The following ABTB3 variants were observed in gnomAD, a reference collection of about 807,000 sequenced individuals.
ABTB3 encodes the protein ankyrin repeat and BTB domain containing 3, also known as ankyrin repeat- and BTB/POZ domain-containing protein 3.
chr12:107,633,458 T>C, the ABTB3 span, among the ~76,000 whole-genome samples: 1 of 152,226 alleles, frequency 6.6e-6, no homozygotes, highest in Non-Finnish European at 1.5e-5. Flanking sequence ...GCTTTTGCCA[T>C]GTAAAGTAAC....
the ABTB3 span, among the ~76,000 whole-genome samples, chr12:107,503,470 A>C: frequency 1.3e-5 from 2 of 152,108 alleles, no homozygotes; most frequent in Non-Finnish European, 2.9e-5. Flanking sequence ...TACAGACAAT[A>C]AAAGGCATGG....
At chr12:107,608,893 T>TAAAATAAAATA in the ABTB3 span, among the ~76,000 whole-genome samples, 4 of 84,324 alleles carry the variant, frequency 4.7e-5, no homozygotes, top group Non-Finnish European at 9.0e-5. Context: ...TAAAATAAAA[T>TAAAATAAAATA]AAATAAAATA....
At chr12:107,473,805 CT>C in the ABTB3 span, among the ~76,000 whole-genome samples, 440 of 142,194 alleles carry the variant, frequency 3.1e-3, no homozygotes, top group African/African-American at 5.2e-3. Flanking sequence ...TTTTCTTTTT[CT>C]TTTTTTTTTT....
chr12:107,640,954 T>G, the ABTB3 span, among the ~76,000 whole-genome samples: 5 of 152,046 alleles, frequency 3.3e-5, no homozygotes, highest in Non-Finnish European at 5.9e-5. Flanking sequence ...CAGGGAGCAG[T>G]GAGGCTGGGG....
the ABTB3 span, among the ~76,000 whole-genome samples, chr12:107,594,984 C>T: frequency 6.6e-6 from 1 of 151,976 alleles, no homozygotes; most frequent in African/African-American, 2.4e-5. Context: ...GCACCCTCAC[C>T]TCTACCTACT....
chr12:107,596,068 G>A, the ABTB3 span, among the ~76,000 whole-genome samples: 2 of 152,098 alleles, frequency 1.3e-5, no homozygotes, highest in Non-Finnish European at 2.9e-5. Flanking sequence ...AAAATATTAG[G>A]TATGGAAGCA....
chr12:107,642,806 A>G, the ABTB3 span, among the ~76,000 whole-genome samples: 1 of 145,854 alleles, frequency 6.9e-6, no homozygotes, highest in Non-Finnish European at 1.6e-5. Flanking sequence ...AGATGACATG[A>G]CCATTTCTCC....
the ABTB3 span, among the ~76,000 whole-genome samples, chr12:107,369,136 T>A: frequency 6.6e-6 from 1 of 152,208 alleles, no homozygotes; most frequent in Non-Finnish European, 1.5e-5. Flanking sequence ...GCTTTTTGGT[T>A]CGTGCCTTGG....
chr12:107,465,868 A>T, the ABTB3 span, among the ~76,000 whole-genome samples: 1 of 152,138 alleles, frequency 6.6e-6, no homozygotes, highest in Non-Finnish European at 1.5e-5. Flanking sequence ...ATGCTCTTGC[A>T]GAAAATAAAT....
chr12:107,472,541 A>G, the ABTB3 span, among the ~76,000 whole-genome samples: 1 of 152,230 alleles, frequency 6.6e-6, no homozygotes, highest in Non-Finnish European at 1.5e-5. Context: ...TTCAGTTTAC[A>G]TCTGTAAAAT....
chr12:107,612,680 T>C, the ABTB3 span: 2 of 1,156,542 alleles, frequency 1.7e-6, no homozygotes, highest in Non-Finnish European at 2.5e-6. Context: ...AGCACAAGCA[T>C]GGCCTCCGAA....
chr12:107,446,309 C>T, the ABTB3 span, among the ~76,000 whole-genome samples: 2 of 152,134 alleles, frequency 1.3e-5, no homozygotes, highest in Non-Finnish European at 2.9e-5. Flanking sequence ...GCTACCATGT[C>T]AGGTACCAGT....
At chr12:107,489,771 G>GT in the ABTB3 span, among the ~76,000 whole-genome samples, 81 of 151,282 alleles carry the variant, frequency 5.4e-4, no homozygotes, top group African/African-American at 1.8e-3. Flanking sequence ...GTCTTTTTTT[G>GT]TTTTTTTTAG....
At chr12:107,398,560 C>G in the ABTB3 span, among the ~76,000 whole-genome samples, 1 of 152,210 alleles carries the variant, frequency 6.6e-6, no homozygotes, top group Non-Finnish European at 1.5e-5. Flanking sequence ...TGTTCTAGGG[C>G]ATTCAGAAAT....
At chr12:107,523,341 T>C in the ABTB3 span, among the ~76,000 whole-genome samples, 2 of 152,224 alleles carry the variant, frequency 1.3e-5, no homozygotes, top group Non-Finnish European at 2.9e-5. Flanking sequence ...AGTCACAAAA[T>C]GCCTCCTGTC....
the ABTB3 span, among the ~76,000 whole-genome samples, chr12:107,443,248 C>A: frequency 6.6e-6 from 1 of 151,582 alleles, no homozygotes; most frequent in African/African-American, 2.4e-5. Flanking sequence ...AATGAAATGG[C>A]GCGGCCTTTT....
the ABTB3 span, among the ~76,000 whole-genome samples, chr12:107,546,078 C>T: frequency 6.6e-6 from 1 of 152,212 alleles, no homozygotes; most frequent in African/African-American, 2.4e-5. Context: ...TTTTCTGCCT[C>T]ATACTTAACG....
the ABTB3 span, chr12:107,635,510 G>A: frequency 2.5e-6 from 2 of 793,940 alleles, no homozygotes; most frequent in East Asian, 2.7e-5. Context: ...GGTCAGTACA[G>A]GAGTCAGGCC....
chr12:107,495,171 G>A, the ABTB3 span, among the ~76,000 whole-genome samples: 2 of 152,296 alleles, frequency 1.3e-5, no homozygotes, highest in African/African-American at 4.8e-5. Flanking sequence ...AGTGGGGAAT[G>A]GGGAGTGGAA....
Sources: gnomAD v4.1 joint callset for allele counts (sites outside exome capture counted in the v4.1 genomes callset) on GRCh38, gnomAD v4.1.1 for gene constraint, MANE v1.5 for transcripts, NCBI Gene and HGNC (gene_info 2026-07-23, HGNC 2026-07-21) for gene names.